Variants in COPB2 observed in about 807,000 individuals in gnomAD.
The protein encoded by COPB2 is coat protein complex I subunit beta 2, also known as coatomer subunit beta'.
COPB2 carries 16 observed loss-of-function variants against 120.8 expected under a neutral mutation model. The observed-to-expected ratio is 0.13, with a 90% CI of 0.09 to 0.20. The LOEUF (loss-of-function observed/expected upper bound fraction) is 0.20, where lower values mean the gene tolerates loss of function less well. COPB2 is among the 10% of genes least tolerant of loss of function. The pLI, the probability that COPB2 is intolerant of heterozygous loss-of-function variation, is 1.00. For missense variants in COPB2, 794 were observed against 1,076.5 expected, an observed-to-expected ratio of 0.74 and a Z score of 3.67; for synonymous variants, 332 against 366.3, an observed-to-expected ratio of 0.91 and a Z score of 1.07.
At chr3:139,380,453 G>A (rs1020388298) in intron 2 of COPB2, 3 of 151,854 alleles carry the variant, frequency 2.0e-5, no homozygotes, top group East Asian at 1.9e-4. Flanking sequence ...ATGTTCCTCC[G>A]AGCTGCTCAG....
chr3:139,368,343 A>C, intron 12 of COPB2, 55 bp from the exon 13 acceptor site: 1 of 1,535,068 alleles, frequency 6.5e-7, no homozygotes, highest in Admixed American at 1.9e-5. Flanking sequence ...TGGATATGAC[A>C]AACTGCACAT....
At chr3:139,369,967 G>A (rs1035126183) in intron 10 of COPB2, among the ~76,000 whole-genome samples, 1 of 152,214 alleles carries the variant, frequency 6.6e-6, no homozygotes, top group African/African-American at 2.4e-5. Flanking sequence ...CATACTGTAT[G>A]ATTCCATTTA....
chr3:139,375,391 C>A, intron 6 of COPB2, 77 bp downstream of exon 6: 2 of 1,446,202 alleles, frequency 1.4e-6, no homozygotes, highest in Non-Finnish European at 1.9e-6. Context: ...TTTTCAACAA[C>A]CCAAGTCTTA....
chr3:139,370,589 A>T (rs1239149543), intron 10 of COPB2, among the ~76,000 whole-genome samples: 1 of 152,202 alleles, frequency 6.6e-6, no homozygotes, highest in Non-Finnish European at 1.5e-5. Context: ...AACTGTGACA[A>T]ATGGTTCATT....
intron 10 of COPB2, among the ~76,000 whole-genome samples, chr3:139,371,248 GTACTA>G (rs1204504008): frequency 6.6e-6 from 1 of 152,160 alleles, no homozygotes; most frequent in Non-Finnish European, 1.5e-5. Context: ...TGGGCAGTGG[GTACTA>G]TCACAGAAAA....
chr3:139,386,197 T>C (rs930935964), intron 1 of COPB2, among the ~76,000 whole-genome samples: 1 of 152,138 alleles, frequency 6.6e-6, no homozygotes, highest in African/African-American at 2.4e-5. Flanking sequence ...GGCTCTTCTC[T>C]TCAATCTCCT....
intron 9 of COPB2, among the ~76,000 whole-genome samples, chr3:139,372,602 G>C (rs9860201): frequency 0.27 from 41,101 of 151,970 alleles, 7,044 homozygotes; most frequent in East Asian, 0.86. Context: ...TATATCTTTT[G>C]TCTTTTTCAA....
At chr3:139,363,066 AC>A (rs1243164489) in intron 15 of COPB2, among the ~76,000 whole-genome samples, 2 of 152,304 alleles carry the variant, frequency 1.3e-5, no homozygotes, top group East Asian at 3.9e-4. Context: ...GTCATAGCAA[AC>A]ATTGTGTATT....
chr3:139,374,108 A>G (rs1294026952), intron 7 of COPB2: 5 of 444,856 alleles, frequency 1.1e-5, no homozygotes, highest in Non-Finnish European at 2.0e-5. Flanking sequence ...TCTTCTCACT[A>G]TAATTTTATG....
chr3:139,358,164 G>A, intron 21 of COPB2, 36 bp downstream of exon 21: 1 of 1,566,096 alleles, frequency 6.4e-7, no homozygotes, highest in Non-Finnish European at 8.8e-7. Context: ...GAGGAAGATG[G>A]GGTAGAGGGA....
At position 139,357,700 on chromosome 3, in the gene COPB2, CTCT is replaced by C. The variant is rs1941316552; in HGVS notation, c.*160_*162del. ...CAGTGATTTAAATGCTGCACATAAA[CTCT>C]TCTTAAGATGATGTGGGCATTGTGC... On this transcript the variant is annotated 3_prime_UTR_variant, in exon 22 of 22. Coordinates refer to ENST00000333188, the MANE Select transcript of COPB2 (RefSeq NM_004766.3). The C allele has an allele frequency of 4.3e-6, 2 of 461,366 alleles. No individual in the cohort carries two copies. Among genetic ancestry groups the C allele is most frequent in the East Asian group, 3.4e-5 (1 of 29,698 alleles). 28.6% of individuals were successfully genotyped at this position (461,366 alleles called of 1,614,324 possible). A position where few individuals can be genotyped will look rare whatever the true frequency, so the allele number is the denominator to read the frequency against.
chr3:139,362,499 G>A lies in COPB2; in HGVS notation c.1903C>T (p.Leu635Phe). The A allele has an allele frequency of 6.2e-7, 1 of 1,607,142 alleles. No homozygotes were observed. Among genetic ancestry groups the A allele is most frequent in the Non-Finnish European group, 8.5e-7 (1 of 1,177,346 alleles). The change falls in exon 16 of 22, where the codon CTT becomes TTT. Residue 635 changes from leucine (L) to phenylalanine (F), a missense_variant. Leu to Phe is a conservative substitution (Grantham distance 22). Coordinates refer to ENST00000333188, the MANE Select transcript of COPB2 (RefSeq NM_004766.3). ...TGCTCAGGATCTGTGGATACTGTAA[G>A]AGCTTGCTGCTTGAAGCCCTAAACA... ...LEKQGFKQQA[L>F]TVSTDPEHRF...
At position 139,357,806 on chromosome 3, in the gene COPB2, A is replaced by G. The variant is rs1322619139; in HGVS notation, c.*57T>C. ...CCAAAGCACTGTGGTCAGGGTAGCA[A>G]TCAATACCTATATATAATAATGATC... On this transcript the variant is annotated 3_prime_UTR_variant, in exon 22 of 22. Transcript: ENST00000333188. 7.5e-6 allele frequency: 7 copies of G among 934,616 alleles called. No individual in the cohort carries two copies. Among genetic ancestry groups the G allele is most frequent in the South Asian group, 1.7e-5 (1 of 59,850 alleles). 57.9% of individuals were successfully genotyped at this position (934,616 alleles called of 1,614,324 possible). A position where few individuals can be genotyped will look rare whatever the true frequency, so the allele number is the denominator to read the frequency against.
chr3:139,374,860 A>C (rs1941686970), intron 6 of COPB2, among the ~76,000 whole-genome samples: 1 of 152,210 alleles, frequency 6.6e-6, no homozygotes, highest in Non-Finnish European at 1.5e-5. Context: ...TATTCCCCCA[A>C]ATTCTCAGGA....
In COPB2 at chr3:139,366,563, C is replaced by T; in HGVS notation, c.1884+5G>A. On this transcript the variant is annotated splice_donor_5th_base_variant and intron_variant, in intron 15 of 21. Transcript: ENST00000333188. The stretch of plus-strand genomic sequence containing the variant: ...AAACAAAAAGAAAAAAACAAAACCT[C>T]TTACCTGCTTTTCCAAAAAGTGTGC... 1 of 1,601,974 alleles carries T rather than the reference C, an allele frequency of 6.2e-7. No individual in the cohort carries two copies. The highest frequency in any genetic ancestry group is 1.1e-5 in the South Asian group (1 of 88,590).
intron 8 of COPB2, 115 bp from the exon 9 acceptor site, chr3:139,373,527 A>G (rs1941661210): frequency 6.7e-7 from 1 of 1,503,248 alleles, no homozygotes; most frequent in Admixed American, 1.9e-5. Context: ...TCCACTTTAA[A>G]TCTTCATTGC....
At chr3:139,360,960 T>C in intron 17 of COPB2, 121 bp downstream of exon 17, 1 of 1,057,240 alleles carries the variant, frequency 9.5e-7, no homozygotes, top group South Asian at 1.5e-5. Flanking sequence ...CTGTTCTGAC[T>C]GCCCCGTCTA....
intron 5 of COPB2, among the ~76,000 whole-genome samples, chr3:139,376,079 G>C (rs1210290016): frequency 6.6e-6 from 1 of 152,052 alleles, no homozygotes; most frequent in East Asian, 1.9e-4. Context: ...GCAAGACCTT[G>C]TCTCTACAAA....
At chr3:139,366,395 A>G (rs549155675) in intron 15 of COPB2, among the ~76,000 whole-genome samples, 173 bp downstream of exon 15, 1 of 152,310 alleles carries the variant, frequency 6.6e-6, no homozygotes, top group South Asian at 2.1e-4. Flanking sequence ...GAGAAGGAAG[A>G]GTGTAAGAAG....
Sources: gnomAD v4.1 joint callset for allele counts (sites outside exome capture counted in the v4.1 genomes callset) on GRCh38, gnomAD v4.1.1 for gene constraint, MANE v1.5 for transcripts, NCBI Gene and HGNC (gene_info 2026-07-23, HGNC 2026-07-21) for gene names.